Variants in ANOS1 observed in about 807,000 individuals in gnomAD.
ANOS1 encodes anosmin 1.
In ANOS1, 6 loss-of-function variants were observed where a neutral mutation model predicts 59.0. That is an observed-to-expected ratio of 0.10 (90% CI 0.06 to 0.20). The LOEUF is 0.20. ANOS1 is among the 10% of genes least tolerant of loss of function. ANOS1 has a pLI of 1.00. For synonymous variants in ANOS1, 217 were observed against 223.4 expected (o/e 0.97, Z 0.25); for missense variants, 433 against 542.3 (o/e 0.80, Z 2.00).
intron 1 of ANOS1, among the ~76,000 whole-genome samples, chrX:8,729,838 G>C (rs949510165): frequency 3.7e-4 from 40 of 109,120 alleles, no homozygotes; most frequent in Admixed American, 3.4e-3. Flanking sequence ...CTGCAATTTA[G>C]ATAAATCAGA....
chrX:8,569,726 G>A (rs951228941), intron 7 of ANOS1, among the ~76,000 whole-genome samples: 1 of 112,066 alleles, frequency 8.9e-6, no homozygotes, highest in Non-Finnish European at 1.9e-5. Context: ...TAATTCTGAA[G>A]AGCACAGATA....
chrX:8,550,791 G>T (rs1929844078), intron 9 of ANOS1, among the ~76,000 whole-genome samples: 1 of 107,743 alleles, frequency 9.3e-6, no homozygotes, highest in Non-Finnish European at 1.9e-5. Flanking sequence ...AAAAAAAAAA[G>T]AACACTGACC....
Position 8,557,552 on chromosome X carries a change from C to T in ANOS1, c.1208-3454G>A, listed in dbSNP as rs186461085. ...CACTTCTCAAAAGAAGACATTTATG[C>T]GGCCAATAAACGTATGAAAAAAAGC... On this transcript the variant is annotated intron_variant, in intron 8 of 13. Transcript: ENST00000262648. 5.3e-3 allele frequency among the ~76,000 whole-genome samples: 597 copies of T among 112,107 alleles called. 5 individuals are homozygous for T. Among genetic ancestry groups the T allele is most frequent in the African/African-American group, 0.018 (555 of 30,866 alleles).
chrX:8,678,107 A>G (rs998429266), intron 2 of ANOS1, among the ~76,000 whole-genome samples: 3 of 112,135 alleles, frequency 2.7e-5, no homozygotes, highest in Non-Finnish European at 5.6e-5. Context: ...ATGGTTTCTC[A>G]CTTCCCTCAT....
intron 2 of ANOS1, among the ~76,000 whole-genome samples, chrX:8,666,353 T>C (rs1258391221): frequency 1.8e-5 from 2 of 111,537 alleles, no homozygotes; most frequent in African/African-American, 3.3e-5. Flanking sequence ...ATAAAGGAAA[T>C]AGAAAGAGGT....
At chrX:8,656,330 G>A (rs774885168) in intron 2 of ANOS1, among the ~76,000 whole-genome samples, 2 of 112,065 alleles carry the variant, frequency 1.8e-5, no homozygotes, top group East Asian at 5.6e-4. Context: ...AATGTCCTAG[G>A]AGCCTGGCAA....
chrX:8,681,046 T>G (rs1336339828), intron 2 of ANOS1, among the ~76,000 whole-genome samples: 1 of 111,663 alleles, frequency 9.0e-6, no homozygotes, highest in Non-Finnish European at 1.9e-5. Flanking sequence ...ACCATACATT[T>G]CTAGGTCACT....
At chrX:8,571,111 CAA>C (rs201277459) in intron 6 of ANOS1, among the ~76,000 whole-genome samples, 8 of 55,800 alleles carry the variant, frequency 1.4e-4, no homozygotes, top group African/African-American at 1.1e-4. Flanking sequence ...GACACTGTCT[CAA>C]AAAAAAAAAA....
chrX:8,648,650 T>G (rs1045604498), intron 2 of ANOS1, among the ~76,000 whole-genome samples: 31 of 111,640 alleles, frequency 2.8e-4, no homozygotes, highest in African/African-American at 9.5e-4. Context: ...AAATTGTTTG[T>G]GTTAATTTTT....
intron 1 of ANOS1, among the ~76,000 whole-genome samples, chrX:8,718,388 T>C (rs1342368922): frequency 9.0e-6 from 1 of 111,511 alleles, no homozygotes; most frequent in Non-Finnish European, 1.9e-5. Flanking sequence ...GCCCAAAACA[T>C]GGAAAAGAAA....
At chrX:8,694,116 G>A (rs1331186159) in intron 2 of ANOS1, among the ~76,000 whole-genome samples, 2 of 111,539 alleles carry the variant, frequency 1.8e-5, no homozygotes, top group African/African-American at 6.5e-5. Context: ...CAAAGACCAA[G>A]TTCACCCTTC....
intron 8 of ANOS1, among the ~76,000 whole-genome samples, chrX:8,567,802 C>CAAACA (rs751853043): frequency 0.019 from 2,134 of 110,731 alleles, 64 homozygotes; most frequent in African/African-American, 0.066. Context: ...TCAAAAATAC[C>CAAACA]AAACAAAACA....
At chrX:8,553,435 TCAAA>T (rs1249918576) in intron 9 of ANOS1, among the ~76,000 whole-genome samples, 1 of 110,775 alleles carries the variant, frequency 9.0e-6, no homozygotes, top group Non-Finnish European at 1.9e-5. Flanking sequence ...ATATAGCAGC[TCAAA>T]CAATGTTACA....
chrX:8,690,340 T>A (rs1417193122), intron 2 of ANOS1, among the ~76,000 whole-genome samples: 2 of 112,365 alleles, frequency 1.8e-5, no homozygotes, highest in Non-Finnish European at 3.7e-5. Flanking sequence ...GGACAACAGA[T>A]GCTTGGTGAA....
intron 3 of ANOS1, among the ~76,000 whole-genome samples, chrX:8,603,920 C>A (rs1374344001): frequency 9.0e-6 from 1 of 111,621 alleles, no homozygotes; most frequent in Non-Finnish European, 1.9e-5. Context: ...CTGTCATAAC[C>A]ACCACCATCA....
At chrX:8,570,477 C>A in intron 7 of ANOS1, 22 bp downstream of exon 7, 1 of 1,176,046 alleles carries the variant, frequency 8.5e-7, no homozygotes, top group Non-Finnish European at 1.2e-6. Flanking sequence ...GAATAACAAT[C>A]CTTCCTCCAG....
At chrX:8,573,787 G>A (rs944118112) in intron 6 of ANOS1, among the ~76,000 whole-genome samples, 3 of 111,253 alleles carry the variant, frequency 2.7e-5, no homozygotes, top group Admixed American at 1.9e-4. Context: ...CATGGGAATT[G>A]CTCTTTCCAG....
chrX:8,537,749 CGTGT>C (rs202035920), intron 10 of ANOS1, among the ~76,000 whole-genome samples: 385 of 94,712 alleles, frequency 4.1e-3, no homozygotes, highest in South Asian at 0.018. Context: ...ATGGTTTTTA[CGTGT>C]GTGTGTGTGT....
intron 3 of ANOS1, among the ~76,000 whole-genome samples, chrX:8,602,774 C>G (rs942716150): frequency 9.1e-6 from 1 of 110,439 alleles, no homozygotes; most frequent in Non-Finnish European, 1.9e-5. Flanking sequence ...GAGTCTCACT[C>G]TGTCGCCAGG....
Sources: gnomAD v4.1 joint callset for allele counts (sites outside exome capture counted in the v4.1 genomes callset) on GRCh38, gnomAD v4.1.1 for gene constraint, MANE v1.5 for transcripts, NCBI Gene and HGNC (gene_info 2026-07-23, HGNC 2026-07-21) for gene names.